Variants in MGAT4C observed in about 807,000 individuals in gnomAD.
MGAT4C encodes MGAT4 family member C.
A neutral mutation model predicts 40.1 loss-of-function variants in MGAT4C; 19 were observed. That is an observed-to-expected ratio of 0.47 (90% CI 0.33 to 0.70). The LOEUF is 0.70. Ranked by LOEUF, MGAT4C falls within the 30% of genes least tolerant of loss-of-function variation. MGAT4C has a pLI of 0.02. For synonymous variants in MGAT4C, 181 were observed against 187.1 expected, an observed-to-expected ratio of 0.97 and a Z score of 0.27; for missense variants, 491 against 563.2, an observed-to-expected ratio of 0.87 and a Z score of 1.30.
intron 2 of MGAT4C, among the ~76,000 whole-genome samples, chr12:86,456,827 T>G (rs186946837): frequency 6.6e-6 from 1 of 152,232 alleles, no homozygotes; most frequent in Non-Finnish European, 1.5e-5. Flanking sequence ...ATAGAAATCT[T>G]GCATTATGAG....
chr12:86,596,997 A>T (rs1961562345), intron 2 of MGAT4C, among the ~76,000 whole-genome samples: 2 of 152,220 alleles, frequency 1.3e-5, no homozygotes, highest in Non-Finnish European at 2.9e-5. Flanking sequence ...TAAAACAGAT[A>T]TCATAAGATG....
chr12:86,047,035 T>C (rs1592773882), intron 2 of MGAT4C, among the ~76,000 whole-genome samples: 1 of 152,336 alleles, frequency 6.6e-6, no homozygotes, highest in East Asian at 1.9e-4. Flanking sequence ...TTAAAATTTA[T>C]ATTTTAGTTT....
At chr12:86,094,347 C>T (rs1043972703) in intron 1 of MGAT4C, among the ~76,000 whole-genome samples, 1 of 152,072 alleles carries the variant, frequency 6.6e-6, no homozygotes. Flanking sequence ...TAAATATTCT[C>T]AAATGGGTGG....
chr12:86,059,463 G>T (rs1893724988), intron 1 of MGAT4C, among the ~76,000 whole-genome samples: 1 of 152,134 alleles, frequency 6.6e-6, no homozygotes, highest in African/African-American at 2.4e-5. Flanking sequence ...ATAGTTCTCT[G>T]CAGGAGCTGG....
At chr12:86,357,180 C>A (rs1327729668) in intron 3 of MGAT4C, among the ~76,000 whole-genome samples, 2 of 152,202 alleles carry the variant, frequency 1.3e-5, no homozygotes, top group East Asian at 1.9e-4. Context: ...TGCTGTTCTG[C>A]AGCCTCTGCT....
chr12:86,370,368 C>T (rs1281685773), intron 3 of MGAT4C, among the ~76,000 whole-genome samples: 1 of 151,882 alleles, frequency 6.6e-6, no homozygotes, highest in Non-Finnish European at 1.5e-5. Context: ...GAGAAAACAG[C>T]GTGTGCAAAA....
chr12:86,645,761 C>A (rs185355978), intron 2 of MGAT4C, among the ~76,000 whole-genome samples: 1 of 151,524 alleles, frequency 6.6e-6, no homozygotes, highest in Admixed American at 6.6e-5. Flanking sequence ...GGCCTTTTAC[C>A]CTTGTTTTCA....
At chr12:86,616,363 A>G (rs1391637413) in intron 2 of MGAT4C, among the ~76,000 whole-genome samples, 1 of 152,128 alleles carries the variant, frequency 6.6e-6, no homozygotes, top group Non-Finnish European at 1.5e-5. Flanking sequence ...ACAACCCTTA[A>G]ATCAATCTTT....
chr12:86,019,190 T>A (rs1251919279), intron 2 of MGAT4C, among the ~76,000 whole-genome samples: 1 of 152,044 alleles, frequency 6.6e-6, no homozygotes, highest in Non-Finnish European at 1.5e-5. Context: ...AGAGCGACAA[T>A]GATGATGAAA....
rs573112575 is a variant in MGAT4C, at chr12:86,024,155, C to T, written c.-7+25519G>A. Among the ~76,000 whole-genome samples, 7 of 151,542 alleles carry T rather than the reference C, an allele frequency of 4.6e-5. No homozygotes were observed. In the South Asian group the frequency reaches 6.2e-4, roughly 14 times the overall value. ...TGTACTTTTTAAAATATGCATATACCCATTAACCATCCCTTCTTTCCAGCT... is the reference window on the plus strand; with the variant it reads ...TGTACTTTTTAAAATATGCATATACTCATTAACCATCCCTTCTTTCCAGCT... On this transcript the variant is annotated intron_variant, in intron 2 of 4. Coordinates refer to ENST00000611864, the MANE Select transcript of MGAT4C (RefSeq NM_001351288.2).
intron 1 of MGAT4C, among the ~76,000 whole-genome samples, chr12:86,812,761 G>A (rs566718512): frequency 2.6e-4 from 39 of 152,116 alleles, no homozygotes; most frequent in African/African-American, 8.4e-4. Flanking sequence ...TACTAAGAAC[G>A]ACTCTTGAGA....
chr12:86,286,682 C>T (rs1953359979), intron 4 of MGAT4C, among the ~76,000 whole-genome samples: 1 of 151,992 alleles, frequency 6.6e-6, no homozygotes, highest in South Asian at 2.1e-4. Context: ...ATTCTTTTGT[C>T]ATCCAGGTAA....
At chr12:86,369,935 A>AT (rs1566330495) in intron 3 of MGAT4C, among the ~76,000 whole-genome samples, 1 of 151,892 alleles carries the variant, frequency 6.6e-6, no homozygotes, top group African/African-American at 2.4e-5. Context: ...GGTATTCTGG[A>AT]TTTTACTTAA....
chr12:86,189,738 CA>C (rs1228821742), intron 1 of MGAT4C, among the ~76,000 whole-genome samples: 1 of 151,904 alleles, frequency 6.6e-6, no homozygotes, highest in East Asian at 1.9e-4. Flanking sequence ...GAAAGCAAAA[CA>C]AAAACTAAAA....
At chr12:86,577,681 TG>T (rs1399334945) in intron 2 of MGAT4C, among the ~76,000 whole-genome samples, 1 of 151,842 alleles carries the variant, frequency 6.6e-6, no homozygotes, top group East Asian at 1.9e-4. Context: ...AATTTTCTAA[TG>T]TTTGAATTTT....
intron 2 of MGAT4C, among the ~76,000 whole-genome samples, chr12:86,662,922 G>T (rs1964014928): frequency 6.6e-6 from 1 of 152,116 alleles, no homozygotes; most frequent in African/African-American, 2.4e-5. Context: ...TCACCTGAAA[G>T]TCATTAGTTA....
At chr12:86,263,203 G>A (rs531550535) in intron 4 of MGAT4C, among the ~76,000 whole-genome samples, 7 of 152,074 alleles carry the variant, frequency 4.6e-5, no homozygotes, top group South Asian at 2.1e-4. Context: ...GTAAATTTAC[G>A]GGATACAAGT....
intron 2 of MGAT4C, among the ~76,000 whole-genome samples, chr12:86,642,433 TA>T (rs1213936448): frequency 6.6e-6 from 1 of 151,798 alleles, no homozygotes; most frequent in African/African-American, 2.4e-5. Flanking sequence ...AATATTGAAA[TA>T]TTTTTGGTAA....
chr12:86,142,869 T>C (rs1379519566), intron 1 of MGAT4C, among the ~76,000 whole-genome samples: 1 of 152,076 alleles, frequency 6.6e-6, no homozygotes, highest in Non-Finnish European at 1.5e-5. Flanking sequence ...TATTTGGCGA[T>C]AGATCTTATA....
Sources: gnomAD v4.1 joint callset for allele counts (sites outside exome capture counted in the v4.1 genomes callset) on GRCh38, gnomAD v4.1.1 for gene constraint, MANE v1.5 for transcripts, NCBI Gene and HGNC (gene_info 2026-07-23, HGNC 2026-07-21) for gene names.